Variants in ACTR3C observed in about 807,000 individuals in gnomAD.
The protein encoded by ACTR3C is actin-related protein 3C.
ACTR3C carries 18 observed loss-of-function variants against 26.3 expected under a neutral mutation model. That is an observed-to-expected ratio of 0.68 (90% CI 0.47 to 1.01). The LOEUF is 1.01. Ranked by LOEUF, ACTR3C falls within the 50% of genes least tolerant of loss-of-function variation. The pLI, the probability that ACTR3C is intolerant of heterozygous loss-of-function variation, is 0.00. For missense variants in ACTR3C, 184 were observed against 250.7 expected, an observed-to-expected ratio of 0.73 and a Z score of 1.80; for synonymous variants, 55 against 94.5, an observed-to-expected ratio of 0.58 and a Z score of 2.42.
At chr7:150,086,166 T>C in the ACTR3C span, among the ~76,000 whole-genome samples, 1 of 152,058 alleles carries the variant, frequency 6.6e-6, no homozygotes, top group Admixed American at 6.5e-5. Flanking sequence ...GTATTTTTAG[T>C]AGAGCTGGGG....
the ACTR3C span, among the ~76,000 whole-genome samples, chr7:150,174,176 G>C: frequency 1.1e-4 from 16 of 139,350 alleles, 5 homozygotes; most frequent in African/African-American, 4.9e-4. Context: ...TTGTTTTCAT[G>C]CTGCTGATAA....
At chr7:150,096,163 T>C in the ACTR3C span, among the ~76,000 whole-genome samples, 1 of 149,622 alleles carries the variant, frequency 6.7e-6, no homozygotes, top group Non-Finnish European at 1.5e-5. Flanking sequence ...GCCCACACCT[T>C]GGAAACTGAA....
In ACTR3C at chr7:150,315,279, G is replaced by A. The variant is rs1253209070; in HGVS notation, c.-52+8190C>T. On this transcript the variant is annotated intron_variant, in intron 1 of 7. Coordinates refer to ENST00000683684, the MANE Select transcript of ACTR3C (RefSeq NM_001164458.2). Reference sequence around the variant, plus strand: ...AAATTCATTAAAATTGAACGTCATCGTGATAAACTTCTGTCCTGCTAAAAC... The same window carrying A: ...AAATTCATTAAAATTGAACGTCATCATGATAAACTTCTGTCCTGCTAAAAC... Among the ~76,000 whole-genome samples the A allele has an allele frequency of 3.9e-5, 6 of 151,966 alleles. No homozygotes were observed. The East Asian group carries it at 9.6e-4, about 24-fold the overall frequency.
chr7:149,906,408 GTTTCTTTTTTTTTTTTTTTTTTTT>G, the ACTR3C span, among the ~76,000 whole-genome samples: 5 of 90,736 alleles, frequency 5.5e-5, no homozygotes, highest in African/African-American at 2.6e-4. Context: ...TGTGGGGTTT[GTTTCTTTTTTTTTTTTTTTTTTTT>G]TTTTTTTTTT....
the ACTR3C span, among the ~76,000 whole-genome samples, chr7:150,162,933 C>G: frequency 6.6e-6 from 1 of 152,090 alleles, no homozygotes; most frequent in African/African-American, 2.4e-5. Flanking sequence ...AGGTGGATCA[C>G]CTGAGGTCAG....
chr7:149,935,919 G>C, the ACTR3C span, among the ~76,000 whole-genome samples: 1 of 152,182 alleles, frequency 6.6e-6, no homozygotes, highest in Non-Finnish European at 1.5e-5. Flanking sequence ...GCCACTGCTG[G>C]TTGTAAAGGA....
At chr7:150,288,879 G>A in intron 4 of ACTR3C, among the ~76,000 whole-genome samples, 1 of 151,408 alleles carries the variant, frequency 6.6e-6, no homozygotes, top group East Asian at 1.9e-4. Flanking sequence ...ATCATCTCTG[G>A]TGCTTCCTTT....
chr7:149,983,449 G>GTGTGTGTATATATATATATA, the ACTR3C span, among the ~76,000 whole-genome samples: 24 of 23,314 alleles, frequency 1.0e-3, 1 homozygote, highest in Admixed American at 2.0e-3. Context: ...GTGTGTGTGT[G>GTGTGTGTATATATATATATA]TATATATATA....
intron 1 of ACTR3C, among the ~76,000 whole-genome samples, chr7:150,312,998 C>G (rs1311394536): frequency 6.6e-6 from 1 of 152,212 alleles, no homozygotes; most frequent in Non-Finnish European, 1.5e-5. Flanking sequence ...ATGACTTGTC[C>G]TGGCCCTGCC....
the ACTR3C span, among the ~76,000 whole-genome samples, chr7:150,160,440 T>C: frequency 6.6e-6 from 1 of 152,022 alleles, no homozygotes. Context: ...ACAACAGCAC[T>C]AGAACAAAGA....
the ACTR3C span, among the ~76,000 whole-genome samples, chr7:150,070,944 G>A: frequency 3.2e-4 from 48 of 148,100 alleles, no homozygotes; most frequent in East Asian, 6.4e-3. Context: ...ACAGGCGCCC[G>A]CCACCATGCC....
chr7:150,149,393 G>A, the ACTR3C span, among the ~76,000 whole-genome samples: 2 of 151,552 alleles, frequency 1.3e-5, no homozygotes, highest in African/African-American at 2.4e-5. Flanking sequence ...TGTGCACAAC[G>A]TGCAGGTTTA....
the ACTR3C span, among the ~76,000 whole-genome samples, chr7:150,042,517 G>T: frequency 6.7e-6 from 1 of 149,620 alleles, no homozygotes; most frequent in East Asian, 2.0e-4. Flanking sequence ...CTCGCCCCCT[G>T]CGATAGTGGT....
chr7:150,286,255 A>G, intron 5 of ACTR3C, 112 bp downstream of exon 5: 1 of 1,349,362 alleles, frequency 7.4e-7, no homozygotes, highest in Non-Finnish European at 1.0e-6. Flanking sequence ...AGAGAGACCG[A>G]ATGACGGCCA....
At chr7:150,204,536 GAA>G in the ACTR3C span, among the ~76,000 whole-genome samples, 3,608 of 151,884 alleles carry the variant, frequency 0.024, 80 homozygotes, top group East Asian at 0.079. Context: ...CTCCCCATGA[GAA>G]AAAGTGCGGC....
the ACTR3C span, among the ~76,000 whole-genome samples, chr7:150,227,689 TTTTTTTTTTTTG>T: frequency 2.4e-5 from 3 of 124,516 alleles, no homozygotes; most frequent in African/African-American, 7.6e-5. Context: ...TGTGTCTGGG[TTTTTTTTTTTTG>T]TTTTTTTTTT....
the ACTR3C span, among the ~76,000 whole-genome samples, chr7:150,179,596 C>G: frequency 6.7e-6 from 1 of 148,780 alleles, no homozygotes; most frequent in Non-Finnish European, 1.5e-5. Context: ...ATCAATTCTC[C>G]CACCTTAGCC....
chr7:149,991,073 T>TG, the ACTR3C span, among the ~76,000 whole-genome samples: 1 of 152,268 alleles, frequency 6.6e-6, no homozygotes, highest in East Asian at 1.9e-4. Flanking sequence ...TCCACATGGC[T>TG]GGGGAGGCCT....
the ACTR3C span, among the ~76,000 whole-genome samples, chr7:150,039,372 G>A: frequency 7.2e-5 from 7 of 97,828 alleles, no homozygotes; most frequent in Non-Finnish European, 7.4e-5. Context: ...CCCCTCCTGC[G>A]ATGGGGGTCC....
Sources: allele counts gnomAD v4.1 joint callset (sites outside exome capture counted in the v4.1 genomes callset), GRCh38; gene constraint gnomAD v4.1.1; transcripts MANE v1.5; gene names NCBI Gene and HGNC (gene_info 2026-07-23, HGNC 2026-07-21).